BMPR1B: variants seen among roughly 807,000 people sequenced by gnomAD.
BMPR1B encodes bone morphogenetic protein receptor type-1B.
In BMPR1B, 12 loss-of-function variants were observed where a neutral mutation model predicts 59.1. The observed-to-expected ratio is 0.20, with a 90% CI of 0.13 to 0.33. BMPR1B has a LOEUF of 0.33. Ranked by LOEUF, BMPR1B falls within the 10% of genes least tolerant of loss-of-function variation. BMPR1B has a pLI of 1.00. For missense variants in BMPR1B, 550 were observed against 610.9 expected (o/e 0.90, Z 1.05); for synonymous variants, 237 against 207.3 (o/e 1.14, Z -1.23).
chr4:94,803,709 G>GCAGTATCT (rs1205311537), intron 1 of BMPR1B, among the ~76,000 whole-genome samples: 3 of 152,058 alleles, frequency 2.0e-5, no homozygotes, highest in African/African-American at 7.2e-5. Context: ...TTGTTTTGAT[G>GCAGTATCT]CAGTATCTTA....
chr4:94,932,632 C>A (rs1431488754), intron 2 of BMPR1B, among the ~76,000 whole-genome samples: 1 of 151,986 alleles, frequency 6.6e-6, no homozygotes, highest in Non-Finnish European at 1.5e-5. Context: ...AATACATACC[C>A]ACATACACCC....
intron 1 of BMPR1B, among the ~76,000 whole-genome samples, chr4:94,839,915 T>C (rs1360269707): frequency 1.3e-5 from 2 of 151,844 alleles, no homozygotes; most frequent in African/African-American, 4.8e-5. Context: ...TTCCTTTCCA[T>C]GTTTAGTGCT....
chr4:94,806,207 A>C (rs1373150224), intron 1 of BMPR1B, among the ~76,000 whole-genome samples: 1 of 152,148 alleles, frequency 6.6e-6, no homozygotes, highest in African/African-American at 2.4e-5. Flanking sequence ...GGTATATGAA[A>C]AACTCAGCTC....
At chr4:94,851,239 T>G (rs952688507) in intron 1 of BMPR1B, among the ~76,000 whole-genome samples, 2 of 150,724 alleles carry the variant, frequency 1.3e-5, no homozygotes, top group Non-Finnish European at 3.0e-5. Flanking sequence ...CAAATGTAAG[T>G]AATTTTGATA....
intron 3 of BMPR1B, among the ~76,000 whole-genome samples, chr4:95,082,954 C>T (rs1003051528): frequency 3.6e-5 from 5 of 138,756 alleles, no homozygotes; most frequent in African/African-American, 8.0e-5. Context: ...AGGAGAATGG[C>T]GTGAACCCGG....
At chr4:94,991,526 C>T (rs1463675860) in intron 2 of BMPR1B, among the ~76,000 whole-genome samples, 2 of 152,138 alleles carry the variant, frequency 1.3e-5, no homozygotes, top group African/African-American at 4.8e-5. Flanking sequence ...AGAAGGTGCA[C>T]TTTGAACAGG....
chr4:95,117,420 A>G (rs1187376757), intron 6 of BMPR1B, among the ~76,000 whole-genome samples: 2 of 152,114 alleles, frequency 1.3e-5, no homozygotes, highest in African/African-American at 4.8e-5. Flanking sequence ...GGTTTGTAAT[A>G]TTGGAGAGCC....
At chr4:94,924,552 A>G (rs1280370549) in intron 2 of BMPR1B, among the ~76,000 whole-genome samples, 1 of 152,118 alleles carries the variant, frequency 6.6e-6, no homozygotes, top group Non-Finnish European at 1.5e-5. Flanking sequence ...AATGTGTCCC[A>G]GACATGCATG....
intron 1 of BMPR1B, among the ~76,000 whole-genome samples, chr4:94,813,265 A>G (rs1486105096): frequency 6.6e-6 from 1 of 152,198 alleles, no homozygotes; most frequent in Non-Finnish European, 1.5e-5. Context: ...GGCAGGGTGA[A>G]AGACATGTGA....
chr4:94,838,086 G>A (rs1724895437), intron 1 of BMPR1B, among the ~76,000 whole-genome samples: 1 of 144,728 alleles, frequency 6.9e-6, no homozygotes, highest in African/African-American at 2.6e-5. Flanking sequence ...TATTGAACCA[G>A]TCTTGCATCC....
intron 2 of BMPR1B, among the ~76,000 whole-genome samples, chr4:94,914,388 T>C (rs1374347574): frequency 1.3e-5 from 2 of 152,114 alleles, no homozygotes; most frequent in Non-Finnish European, 2.9e-5. Flanking sequence ...GGGCTGGACA[T>C]AGACAGCTAG....
chr4:94,806,377 A>G (rs1723604003), intron 1 of BMPR1B, among the ~76,000 whole-genome samples: 1 of 152,218 alleles, frequency 6.6e-6, no homozygotes, highest in African/African-American at 2.4e-5. Flanking sequence ...TTGTTTTAGC[A>G]GATTATTAAA....
intron 1 of BMPR1B, among the ~76,000 whole-genome samples, chr4:94,865,183 A>G (rs900505632): frequency 2.0e-5 from 3 of 150,458 alleles, no homozygotes; most frequent in African/African-American, 4.9e-5. Context: ...CTAATTTTGT[A>G]TTTTCAGTAG....
intron 1 of BMPR1B, among the ~76,000 whole-genome samples, chr4:94,857,969 G>A (rs929046372): frequency 6.6e-5 from 10 of 151,716 alleles, no homozygotes; most frequent in Admixed American, 3.9e-4. Context: ...TTTTTGAGAC[G>A]GAGTCTCGCT....
At chr4:94,945,364 G>A (rs561106963) in intron 2 of BMPR1B, among the ~76,000 whole-genome samples, 2 of 152,272 alleles carry the variant, frequency 1.3e-5, no homozygotes, top group African/African-American at 4.8e-5. Flanking sequence ...AATCTAATAT[G>A]ATGATGGGAA....
At chr4:94,888,377 G>GA (rs765501404) in intron 2 of BMPR1B, among the ~76,000 whole-genome samples, 1 of 151,524 alleles carries the variant, frequency 6.6e-6, no homozygotes, top group Non-Finnish European at 1.5e-5. Context: ...GAGAAGAGGG[G>GA]AAAAGAAATG....
chr4:94,932,265 C>T (rs1016196260), intron 2 of BMPR1B, among the ~76,000 whole-genome samples: 8 of 152,010 alleles, frequency 5.3e-5, no homozygotes, highest in African/African-American at 1.4e-4. Flanking sequence ...AATGTCATGA[C>T]AGTTGAAGAA....
chr4:95,064,827 T>C (rs1727679133), intron 3 of BMPR1B, among the ~76,000 whole-genome samples: 1 of 152,046 alleles, frequency 6.6e-6, no homozygotes, highest in Non-Finnish European at 1.5e-5. Flanking sequence ...AAACACAATA[T>C]ACCACTTCAC....
chr4:94,858,141 A>G (rs1335224306), intron 1 of BMPR1B, among the ~76,000 whole-genome samples: 1 of 151,616 alleles, frequency 6.6e-6, no homozygotes, highest in Admixed American at 6.6e-5. Flanking sequence ...TAGTAGAGAC[A>G]GGGTTTCACC....
Sources: allele counts gnomAD v4.1 joint callset (sites outside exome capture counted in the v4.1 genomes callset), GRCh38; gene constraint gnomAD v4.1.1; transcripts MANE v1.5; gene names NCBI Gene and HGNC (gene_info 2026-07-23, HGNC 2026-07-21).